The following PRIM2 variants were observed in gnomAD, a reference collection of about 807,000 sequenced individuals.
The protein encoded by PRIM2 is DNA primase large subunit.
In PRIM2, 39 loss-of-function variants were observed where a neutral mutation model predicts 67.3. That is an observed-to-expected ratio of 0.58 (90% CI 0.45 to 0.76). The LOEUF (loss-of-function observed/expected upper bound fraction) is 0.76, where lower values mean the gene tolerates loss of function less well. Among genes scored for constraint, PRIM2 ranks in the 30% least tolerant of loss-of-function variants. The pLI is 0.00. For synonymous variants in PRIM2, 143 were observed against 198.7 expected, an observed-to-expected ratio of 0.72 and a Z score of 2.36; for missense variants, 398 against 598.7, an observed-to-expected ratio of 0.66 and a Z score of 3.50.
At chr6:57,476,305 C>T (rs1773476847) in intron 7 of PRIM2, among the ~76,000 whole-genome samples, 1 of 152,154 alleles carries the variant, frequency 6.6e-6, no homozygotes, top group Non-Finnish European at 1.5e-5. Context: ...CGTTCAGCTA[C>T]CAAAATTGCG....
Position 57,537,448 on chromosome 6 carries a change from C to T in PRIM2, c.843C>T (p.Thr281=). 1 of 1,399,446 alleles carries T rather than the reference C, an allele frequency of 7.1e-7. No homozygotes were observed. The highest frequency in any genetic ancestry group is 1.4e-5 in the South Asian group (1 of 70,090). 86.7% of individuals were successfully genotyped at this position (1,399,446 alleles called of 1,614,324 possible). Residue 281 remains threonine (T), a synonymous_variant, in exon 10 of 14, where the codon ACC becomes ACT. Transcript: ENST00000615550. ...ISLDQIDLLS[T]KSFPPCMRQL... ...CTATTTTTTTCTTGTAGCTTTCTACCAAATCCTTCCCACCTTGCATGCGTC... is the reference window on the plus strand; with the variant it reads ...CTATTTTTTTCTTGTAGCTTTCTACTAAATCCTTCCCACCTTGCATGCGTC...
intron 8 of PRIM2, among the ~76,000 whole-genome samples, chr6:57,528,111 G>A (rs1200269050): frequency 2.7e-5 from 4 of 150,636 alleles, no homozygotes; most frequent in Non-Finnish European, 4.4e-5. Context: ...CTACAGGTGC[G>A]TGCCACCACA....
chr6:57,227,988 G>A, the PRIM2 span, among the ~76,000 whole-genome samples: 1 of 152,262 alleles, frequency 6.6e-6, no homozygotes, highest in Admixed American at 6.5e-5. Context: ...AGTAATTGAG[G>A]TTTTGTGCTT....
At position 57,646,103 on chromosome 6, in the gene PRIM2, C is replaced by T; in HGVS notation, c.1475C>T (p.Ser492Phe). The T allele has an allele frequency of 1.2e-6, 2 of 1,600,884 alleles. No individual in the cohort carries two copies. Among genetic ancestry groups the T allele is most frequent in the South Asian group, 2.2e-5 (2 of 90,746 alleles). Residue 492 changes from serine (S) to phenylalanine (F), a missense_variant, in exon 14 of 14, where the codon TCC becomes TTC. This residue lies in a region of PRIM2 where 72 missense variants were observed against 89.4 expected (regional missense o/e 0.81). Transcript: ENST00000615550. ...DASSALASLN[S>F]SLEMDMEGLE... Reference sequence around the variant, plus strand: ...TCATCTGCTCTGGCCTCTTTAAATTCCTCTCTGGAAATGGATATGGAAGGA... The same window carrying T: ...TCATCTGCTCTGGCCTCTTTAAATTTCTCTCTGGAAATGGATATGGAAGGA...
intron 7 of PRIM2, among the ~76,000 whole-genome samples, chr6:57,490,191 T>C (rs1773856599): frequency 6.6e-6 from 1 of 152,284 alleles, no homozygotes; most frequent in African/African-American, 2.4e-5. Context: ...TCTGGGACTT[T>C]AAAGGCTAAT....
At chr6:57,304,227 T>A in the PRIM2 span, among the ~76,000 whole-genome samples, 1 of 151,122 alleles carries the variant, frequency 6.6e-6, no homozygotes, top group African/African-American at 2.4e-5. Context: ...TGGAAAAAAA[T>A]GGAAAAAATA....
chr6:57,605,402 C>G (rs1311198665), intron 11 of PRIM2, among the ~76,000 whole-genome samples: 2 of 152,004 alleles, frequency 1.3e-5, no homozygotes, highest in Non-Finnish European at 2.9e-5. Flanking sequence ...TCTACCTGGT[C>G]CAGGGCTTTT....
At chr6:57,626,533 T>A (rs1301039757) in intron 12 of PRIM2, among the ~76,000 whole-genome samples, 2 of 152,172 alleles carry the variant, frequency 1.3e-5, no homozygotes, top group African/African-American at 4.8e-5. Context: ...AAATCAGTAA[T>A]TCATCTTGAG....
chr6:57,322,501 C>G (rs1255880548), intron 3 of PRIM2, among the ~76,000 whole-genome samples: 1 of 152,120 alleles, frequency 6.6e-6, no homozygotes. Flanking sequence ...AGTGAGTTCT[C>G]ACAAGATCTG....
At chr6:57,566,608 T>C (rs1196818213) in intron 10 of PRIM2, among the ~76,000 whole-genome samples, 1 of 152,124 alleles carries the variant, frequency 6.6e-6, no homozygotes, top group South Asian at 2.1e-4. Context: ...ACCTAAGTTT[T>C]TGATACCAAT....
chr6:57,251,491 T>C, the PRIM2 span, among the ~76,000 whole-genome samples: 1 of 152,226 alleles, frequency 6.6e-6, no homozygotes, highest in Non-Finnish European at 1.5e-5. Context: ...GGTTTTTGAC[T>C]CTTCTGTTGA....
At chr6:57,469,919 T>C (rs1339847238) in intron 7 of PRIM2, among the ~76,000 whole-genome samples, 1 of 152,192 alleles carries the variant, frequency 6.6e-6, no homozygotes, top group East Asian at 1.9e-4. Flanking sequence ...ACTTCTTTTC[T>C]GCAGTCTCAT....
At chr6:57,393,233 A>G (rs1475059304) in intron 7 of PRIM2, among the ~76,000 whole-genome samples, 1 of 152,122 alleles carries the variant, frequency 6.6e-6, no homozygotes, top group Non-Finnish European at 1.5e-5. Context: ...GAATCTCCAC[A>G]CTGTTTTCCA....
chr6:57,328,606 T>TG (rs1206483254), intron 5 of PRIM2, among the ~76,000 whole-genome samples: 24 of 152,240 alleles, frequency 1.6e-4, no homozygotes, highest in African/African-American at 5.8e-4. Context: ...TTGGCTATTA[T>TG]GAATAACGCT....
chr6:57,489,639 A>T (rs368342130), intron 7 of PRIM2, among the ~76,000 whole-genome samples: 1 of 152,276 alleles, frequency 6.6e-6, no homozygotes, highest in Non-Finnish European at 1.5e-5. Flanking sequence ...CTAATATTTT[A>T]CCAGTTTCCT....
chr6:57,393,701 T>C (rs975572437), intron 7 of PRIM2, among the ~76,000 whole-genome samples: 2 of 152,036 alleles, frequency 1.3e-5, no homozygotes, highest in African/African-American at 4.8e-5. Flanking sequence ...TGTTATTGCA[T>C]TTGCTTTTCG....
chr6:57,439,519 A>C (rs1250714677), intron 7 of PRIM2, among the ~76,000 whole-genome samples: 4 of 140,436 alleles, frequency 2.8e-5, no homozygotes, highest in Non-Finnish European at 6.0e-5. Flanking sequence ...GGGTTCTAGC[A>C]ATTCTCCTGC....
intron 5 of PRIM2, among the ~76,000 whole-genome samples, chr6:57,336,840 A>G (rs1318032584): frequency 2.6e-5 from 4 of 152,226 alleles, no homozygotes; most frequent in African/African-American, 4.8e-5. Flanking sequence ...CAATGACAGG[A>G]TAAAATTCAC....
At chr6:57,338,552 A>G (rs926932310) in intron 5 of PRIM2, among the ~76,000 whole-genome samples, 3 of 151,204 alleles carry the variant, frequency 2.0e-5, no homozygotes, top group Non-Finnish European at 2.9e-5. Context: ...GGCTCGTTCA[A>G]TATACGCAAA....
Sources: allele counts gnomAD v4.1 joint callset (sites outside exome capture counted in the v4.1 genomes callset), GRCh38; gene constraint gnomAD v4.1.1; regional missense constraint gnomAD v4.1.1; transcripts MANE v1.5; gene names NCBI Gene and HGNC (gene_info 2026-07-23, HGNC 2026-07-21).